The following NINJ2 variants were observed in gnomAD, a reference collection of about 807,000 sequenced individuals.
The protein encoded by NINJ2 is ninjurin 2.
In NINJ2, 12 loss-of-function variants were observed where a neutral mutation model predicts 11.7. The observed-to-expected ratio is 1.02, with a 90% CI of 0.66 to 1.66. The LOEUF is 1.66. Ranked by LOEUF, NINJ2 falls within the 40% of genes most tolerant of loss-of-function variation. The pLI is 0.00. For missense variants in NINJ2, 187 were observed against 181.8 expected, an observed-to-expected ratio of 1.03 and a Z score of -0.16; for synonymous variants, 93 against 76.8, an observed-to-expected ratio of 1.21 and a Z score of -1.10.
chr12:574,721 A>G (rs530277027), intron 1 of NINJ2, among the ~76,000 whole-genome samples: 2 of 152,212 alleles, frequency 1.3e-5, no homozygotes, highest in Non-Finnish European at 2.9e-5. Context: ...TTGTTTATAA[A>G]TCACCCAGTC....
intron 1 of NINJ2, among the ~76,000 whole-genome samples, chr12:604,766 G>C (rs1434437396): frequency 1.3e-5 from 2 of 152,228 alleles, no homozygotes; most frequent in African/African-American, 4.8e-5. Context: ...ACGAGGTACA[G>C]ACCTGAGATG....
At chr12:584,758 A>C (rs1947608819) in intron 1 of NINJ2, among the ~76,000 whole-genome samples, 1 of 151,938 alleles carries the variant, frequency 6.6e-6, no homozygotes, top group Non-Finnish European at 1.5e-5. Flanking sequence ...GTGAGCCGAG[A>C]TTGCGCCACT....
intron 1 of NINJ2, among the ~76,000 whole-genome samples, chr12:656,626 G>A (rs1417917212): frequency 6.6e-6 from 1 of 151,744 alleles, no homozygotes; most frequent in Non-Finnish European, 1.5e-5. Context: ...GCGGGCCCCT[G>A]TAATCCCAGC....
chr12:575,254 C>T (rs746587514), intron 1 of NINJ2, among the ~76,000 whole-genome samples: 10 of 152,298 alleles, frequency 6.6e-5, no homozygotes, highest in South Asian at 2.1e-4. Context: ...GTTACTCAAG[C>T]GTAGTCCTCT....
intron 1 of NINJ2, among the ~76,000 whole-genome samples, chr12:575,368 G>C (rs1424941771): frequency 6.6e-6 from 1 of 152,076 alleles, no homozygotes; most frequent in Admixed American, 6.6e-5. Context: ...ATGCTCAGAC[G>C]TGCAGGGCCA....
intron 1 of NINJ2, among the ~76,000 whole-genome samples, chr12:647,818 G>A (rs1020903223): frequency 1.3e-5 from 2 of 152,182 alleles, no homozygotes; most frequent in African/African-American, 4.8e-5. Context: ...TTTCTAACAA[G>A]TGATGGGGTG....
chr12:570,682 C>T (rs2120793808), intron 1 of NINJ2, among the ~76,000 whole-genome samples: 1 of 152,238 alleles, frequency 6.6e-6, no homozygotes. Flanking sequence ...CCTCCCCTGG[C>T]CCTGGCCCTG....
intron 1 of NINJ2, among the ~76,000 whole-genome samples, chr12:587,686 G>A (rs1043326123): frequency 3.9e-5 from 6 of 152,172 alleles, no homozygotes; most frequent in Admixed American, 6.5e-5. Context: ...GGGCCTCTGT[G>A]CAGGTGGGGG....
intron 1 of NINJ2, among the ~76,000 whole-genome samples, chr12:611,023 C>A (rs973623594): frequency 6.6e-6 from 1 of 152,138 alleles, no homozygotes; most frequent in African/African-American, 2.4e-5. Context: ...GCATAAGCCA[C>A]GGCACCTAGG....
chr12:660,755 G>A (rs1937947109), intron 1 of NINJ2, among the ~76,000 whole-genome samples: 1 of 152,174 alleles, frequency 6.6e-6, no homozygotes, highest in Non-Finnish European at 1.5e-5. Context: ...GAGGTCAGGA[G>A]TGCAAGACTA....
chr12:615,940 A>C (rs917804608), intron 1 of NINJ2, among the ~76,000 whole-genome samples: 1 of 152,154 alleles, frequency 6.6e-6, no homozygotes, highest in Middle Eastern at 3.2e-3. Context: ...AGTGAGGCAC[A>C]CTCTCGGAGA....
intron 1 of NINJ2, among the ~76,000 whole-genome samples, chr12:653,112 C>T (rs1243272570): frequency 2.0e-5 from 3 of 148,224 alleles, no homozygotes; most frequent in Non-Finnish European, 4.5e-5. Flanking sequence ...GCTCCACATC[C>T]CAGGTTCACA....
intron 1 of NINJ2, among the ~76,000 whole-genome samples, chr12:583,182 A>T (rs2535434): frequency 0.04 from 2,300 of 57,962 alleles, 39 homozygotes; most frequent in Non-Finnish European, 0.047. Context: ...GGCATGCTAG[A>T]GTGAATGAAT....
At position 658,767 on chromosome 12, in the gene NINJ2, G is replaced by A. The variant is rs540485635; in HGVS notation, c.33+4561C>T. On this transcript the variant is annotated intron_variant, in intron 1 of 3. Coordinates refer to ENST00000305108, the MANE Select transcript of NINJ2 (RefSeq NM_016533.6). The stretch of plus-strand genomic sequence containing the variant: ...CTATACTATACTATGCTATAGCGGT[G>A]GAAACATGTTATTACGCATAGAATG... Among the ~76,000 whole-genome samples the A allele has an allele frequency of 1.6e-4, 24 of 152,074 alleles. No individual in the cohort carries two copies. In the South Asian group the frequency reaches 2.3e-3, roughly 14 times the overall value.
intron 1 of NINJ2, among the ~76,000 whole-genome samples, chr12:653,360 C>A (rs1198316203): frequency 6.6e-6 from 1 of 151,884 alleles, no homozygotes; most frequent in Non-Finnish European, 1.5e-5. Flanking sequence ...ATGAACAAAT[C>A]AAAATATCAA....
intron 1 of NINJ2, among the ~76,000 whole-genome samples, chr12:583,308 C>T (rs1180044096): frequency 1.3e-5 from 2 of 152,252 alleles, no homozygotes; most frequent in Non-Finnish European, 2.9e-5. Context: ...GTGCCCTTTC[C>T]ACAGCTCAGG....
chr12:570,675 C>CCCCTGG (rs1441614722), intron 1 of NINJ2, among the ~76,000 whole-genome samples: 9 of 152,252 alleles, frequency 5.9e-5, no homozygotes, highest in Middle Eastern at 3.4e-3. Context: ...TTGCCGCCCT[C>CCCCTGG]CCCTGGCCCT....
chr12:629,684 T>C (rs1275420256), intron 1 of NINJ2, among the ~76,000 whole-genome samples: 2 of 151,138 alleles, frequency 1.3e-5, no homozygotes, highest in African/African-American at 2.4e-5. Flanking sequence ...GGTCAGGAGT[T>C]TGAGACCAGC....
intron 1 of NINJ2, among the ~76,000 whole-genome samples, chr12:661,375 C>T (rs12579736): frequency 0.22 from 33,381 of 152,090 alleles, 3,722 homozygotes; most frequent in South Asian, 0.27. Context: ...GCCACCGTGC[C>T]CAGCCAAAGG....
Sources: allele counts gnomAD v4.1 joint callset (sites outside exome capture counted in the v4.1 genomes callset), GRCh38; gene constraint gnomAD v4.1.1; transcripts MANE v1.5; gene names NCBI Gene and HGNC (gene_info 2026-07-23, HGNC 2026-07-21).